The following GRB10 variants were observed in gnomAD, a reference collection of about 807,000 sequenced individuals.
The protein encoded by GRB10 is growth factor receptor bound protein 10, also known as growth factor receptor-bound protein 10.
In GRB10, 20 loss-of-function variants were observed where a neutral mutation model predicts 80.9. That is an observed-to-expected ratio of 0.25 (90% CI 0.17 to 0.36). GRB10 has a LOEUF of 0.36. GRB10 is among the 10% of genes least tolerant of loss of function. GRB10 has a pLI of 1.00. For synonymous variants in GRB10, 291 were observed against 291.5 expected, an observed-to-expected ratio of 1.00 and a Z score of 0.02; for missense variants, 548 against 747.7, an observed-to-expected ratio of 0.73 and a Z score of 3.12.
chr7:50,634,848 G>T (rs1191177366), intron 7 of GRB10, among the ~76,000 whole-genome samples: 2 of 152,190 alleles, frequency 1.3e-5, no homozygotes, highest in Non-Finnish European at 2.9e-5. Flanking sequence ...CATAAATTTT[G>T]GAAATACGTG....
rs145432861 is a variant in GRB10, at chr7:50,679,327, C to T, written c.140-4669G>A. On this transcript the variant is annotated intron_variant, in intron 5 of 18. Coordinates refer to ENST00000401949, the MANE Select transcript of GRB10 (RefSeq NM_001350814.2). ...TCATCACGAGTAAATGTCTTCCATG[C>T]AGCAGGCTAGGTGTGCTGACTAGGA... Among the ~76,000 whole-genome samples, 642 of 152,300 alleles carry T rather than the reference C, an allele frequency of 4.2e-3. 1 individual carries two copies. The highest frequency in any genetic ancestry group is 5.7e-3 in the Non-Finnish European group (388 of 68,036).
intron 3 of GRB10, among the ~76,000 whole-genome samples, chr7:50,745,583 C>A (rs536945840): frequency 1.5e-3 from 222 of 152,318 alleles, no homozygotes; most frequent in African/African-American, 5.3e-3. Context: ...AAAAGCAAAA[C>A]CACTCAGATC....
intron 2 of GRB10, among the ~76,000 whole-genome samples, chr7:50,756,893 A>G (rs1293544581): frequency 6.6e-6 from 1 of 152,198 alleles, no homozygotes; most frequent in Non-Finnish European, 1.5e-5. Flanking sequence ...TAGCAGTGTG[A>G]CTGGCATGCA....
At chr7:50,630,149 G>A (rs2053737949) in intron 7 of GRB10, among the ~76,000 whole-genome samples, 2 of 152,168 alleles carry the variant, frequency 1.3e-5, no homozygotes, top group South Asian at 2.1e-4. Flanking sequence ...CCAAGCTGTG[G>A]GGAACTGCTC....
intron 2 of GRB10, among the ~76,000 whole-genome samples, chr7:50,762,632 G>A (rs562847024): frequency 7.2e-5 from 11 of 152,230 alleles, no homozygotes; most frequent in African/African-American, 2.6e-4. Context: ...AAGATCCCAC[G>A]GTCATATCCT....
At chr7:50,598,420 T>TA (rs766362955) in intron 17 of GRB10, among the ~76,000 whole-genome samples, 1 of 152,072 alleles carries the variant, frequency 6.6e-6, no homozygotes, top group Non-Finnish European at 1.5e-5. Context: ...AAGAACCAGG[T>TA]AAGTTCTTAA....
chr7:50,635,780 G>C (rs1586082126), intron 7 of GRB10, among the ~76,000 whole-genome samples: 1 of 151,502 alleles, frequency 6.6e-6, no homozygotes, highest in Admixed American at 6.6e-5. Flanking sequence ...AAAAAACCTA[G>C]AGGAAATGGA....
chr7:50,720,289 A>G (rs1052964316), intron 4 of GRB10, among the ~76,000 whole-genome samples: 3 of 152,232 alleles, frequency 2.0e-5, no homozygotes, highest in Non-Finnish European at 2.9e-5. Flanking sequence ...TTAAGATGAT[A>G]ATAATAATAA....
chr7:50,722,601 G>A (rs188480794), intron 4 of GRB10, among the ~76,000 whole-genome samples: 4 of 152,286 alleles, frequency 2.6e-5, no homozygotes, highest in Admixed American at 2.6e-4. Flanking sequence ...GTGAAGAGGT[G>A]ACAGAACCAG....
chr7:50,753,169 G>A (rs957960639), intron 3 of GRB10, among the ~76,000 whole-genome samples: 3 of 152,094 alleles, frequency 2.0e-5, no homozygotes, highest in Non-Finnish European at 2.9e-5. Flanking sequence ...TCCAGGCCTG[G>A]GTGCCCTCAT....
rs187259373 is a variant in GRB10 at position 50,692,236 on chromosome 7, C to T, written c.139+11585G>A. ...ATTTTACATCAGGGCCTTGAGCATC[C>T]TTGGATTTTGGCATTTGCAGGAGGT... On this transcript the variant is annotated intron_variant, in intron 5 of 18. Coordinates refer to ENST00000401949, the MANE Select transcript of GRB10 (RefSeq NM_001350814.2). 1.6e-3 allele frequency among the ~76,000 whole-genome samples: 243 copies of T among 152,116 alleles called. 2 individuals are homozygous for T. The highest frequency in any genetic ancestry group is 3.4e-3 in the Middle Eastern group (1 of 294).
At chr7:50,627,882 C>T (rs996757797) in intron 7 of GRB10, among the ~76,000 whole-genome samples, 13 of 152,318 alleles carry the variant, frequency 8.5e-5, no homozygotes, top group South Asian at 8.3e-4. Flanking sequence ...GTGGAGCCTG[C>T]GTGTGCCCTG....
intron 2 of GRB10, among the ~76,000 whole-genome samples, chr7:50,778,664 G>A (rs559547034): frequency 2.6e-4 from 39 of 152,304 alleles, no homozygotes; most frequent in African/African-American, 7.2e-4. Flanking sequence ...TCGGGCTAAC[G>A]CTGACAGAAA....
intron 4 of GRB10, among the ~76,000 whole-genome samples, chr7:50,720,084 C>G (rs565107111): frequency 2.3e-4 from 35 of 152,302 alleles, no homozygotes; most frequent in South Asian, 2.1e-3. Context: ...GATAAAGAAA[C>G]ACGGTTTCCT....
chr7:50,660,857 G>A (rs1050976627), intron 7 of GRB10, among the ~76,000 whole-genome samples: 10 of 152,052 alleles, frequency 6.6e-5, no homozygotes, highest in African/African-American at 2.2e-4. Context: ...CCAAGGCCCT[G>A]GGGGCTGCAG....
chr7:50,653,209 C>T (rs2058197155), intron 7 of GRB10, among the ~76,000 whole-genome samples: 1 of 152,152 alleles, frequency 6.6e-6, no homozygotes, highest in Non-Finnish European at 1.5e-5. Flanking sequence ...ACTGTCAGCC[C>T]TAGGCCGTGG....
At chr7:50,761,940 G>C (rs560182641) in intron 2 of GRB10, 28 of 152,110 alleles carry the variant, frequency 1.8e-4, no homozygotes, top group African/African-American at 5.5e-4. Flanking sequence ...TTCCCCTGTC[G>C]CCTTCCACCT....
At chr7:50,742,894 G>A (rs2072153505) in intron 3 of GRB10, among the ~76,000 whole-genome samples, 1 of 152,016 alleles carries the variant, frequency 6.6e-6, no homozygotes, top group South Asian at 2.1e-4. Context: ...CTCACTTCCT[G>A]GGGGCTGGGA....
rs75404751 is a variant in GRB10, at chr7:50,693,804, G to C, written c.139+10017C>G. Among the ~76,000 whole-genome samples the C allele has an allele frequency of 1.4e-3, 217 of 152,224 alleles. 5 individuals are homozygous for C. The East Asian group carries it at 0.036, about 25-fold the overall frequency. ...AGAGGAGACAGACACAGAAGGCACA[G>C]AGGCTGGAAGAGCAGTCTCCACTTT... On this transcript the variant is annotated intron_variant, in intron 5 of 18. Transcript: ENST00000401949.
Sources: gnomAD v4.1 joint callset for allele counts (sites outside exome capture counted in the v4.1 genomes callset) on GRCh38, gnomAD v4.1.1 for gene constraint, MANE v1.5 for transcripts, NCBI Gene and HGNC (gene_info 2026-07-23, HGNC 2026-07-21) for gene names.